NRG1: variants seen among roughly 807,000 people sequenced by gnomAD.
NRG1 encodes neuregulin 1.
A neutral mutation model predicts 63.8 loss-of-function variants in NRG1; 18 were observed. The ratio of observed to expected loss-of-function variants is 0.28; its 90% confidence interval spans 0.19 to 0.42. The LOEUF (loss-of-function observed/expected upper bound fraction) is 0.42. Among genes scored for constraint, NRG1 ranks in the 10% least tolerant of loss-of-function variants. The pLI, the probability that NRG1 is intolerant of heterozygous loss-of-function variation, is 1.00. For synonymous variants in NRG1, 302 were observed against 301.3 expected (o/e 1.00, Z -0.02); for missense variants, 762 against 814.7 (o/e 0.94, Z 0.79).
chr8:32,094,884 G>T (rs925752770), intron 1 of NRG1, among the ~76,000 whole-genome samples: 1 of 149,256 alleles, frequency 6.7e-6, no homozygotes, highest in Admixed American at 6.7e-5. Context: ...TTATAAACTT[G>T]CTTTCTGAAC....
At chr8:32,133,876 G>T (rs1184244833) in intron 1 of NRG1, among the ~76,000 whole-genome samples, 14 of 152,100 alleles carry the variant, frequency 9.2e-5, no homozygotes, top group Non-Finnish European at 1.5e-5. Context: ...TTCAAAAATG[G>T]GTTAAAGCAC....
intron 1 of NRG1, among the ~76,000 whole-genome samples, chr8:32,541,162 A>G (rs1164132102): frequency 2.6e-5 from 4 of 152,188 alleles, no homozygotes. Context: ...TGACTGTAAC[A>G]TTCCACCAAG....
At chr8:31,774,583 G>A (rs1242278414) in intron 1 of NRG1, among the ~76,000 whole-genome samples, 5 of 152,016 alleles carry the variant, frequency 3.3e-5, no homozygotes, top group South Asian at 4.1e-4. Context: ...TTGTAGATTC[G>A]GGATATTAAT....
chr8:32,582,946 G>A (rs570389011), intron 1 of NRG1, among the ~76,000 whole-genome samples: 43 of 152,178 alleles, frequency 2.8e-4, no homozygotes, highest in Admixed American at 2.6e-3. Context: ...GGCCTTCCTG[G>A]TGTCAGTCTG....
intron 1 of NRG1, among the ~76,000 whole-genome samples, chr8:31,880,771 C>T (rs1830289019): frequency 6.6e-6 from 1 of 152,144 alleles, no homozygotes; most frequent in Non-Finnish European, 1.5e-5. Context: ...ATTTCCTGTT[C>T]ATTGTTTTGC....
intron 1 of NRG1, among the ~76,000 whole-genome samples, chr8:31,985,215 A>G (rs1376623121): frequency 2.0e-5 from 3 of 152,078 alleles, no homozygotes; most frequent in Non-Finnish European, 4.4e-5. Flanking sequence ...AAAAGGAGAG[A>G]GAGGAGAGGT....
chr8:32,472,654 C>T (rs1255662095), intron 1 of NRG1, among the ~76,000 whole-genome samples: 1 of 152,212 alleles, frequency 6.6e-6, no homozygotes, highest in African/African-American at 2.4e-5. Flanking sequence ...AAGTCTTAAC[C>T]TTGCCTACAT....
intron 1 of NRG1, among the ~76,000 whole-genome samples, chr8:31,977,370 T>A (rs1808363536): frequency 6.6e-6 from 1 of 152,122 alleles, no homozygotes; most frequent in Non-Finnish European, 1.5e-5. Flanking sequence ...ACTTAGTGAC[T>A]CCTCTCATGT....
chr8:32,006,371 C>T (rs990917755), intron 1 of NRG1, among the ~76,000 whole-genome samples: 2 of 151,998 alleles, frequency 1.3e-5, no homozygotes, highest in Non-Finnish European at 2.9e-5. Context: ...AATACCCCAC[C>T]ACCCCCAATT....
intron 5 of NRG1, among the ~76,000 whole-genome samples, chr8:32,681,790 T>C (rs1167175701): frequency 1.3e-5 from 2 of 152,166 alleles, no homozygotes; most frequent in Admixed American, 6.5e-5. Context: ...TTTTAGTGTA[T>C]ATGACATGAA....
chr8:31,940,546 G>A (rs983764278), intron 1 of NRG1, among the ~76,000 whole-genome samples: 4 of 152,064 alleles, frequency 2.6e-5, no homozygotes, highest in Middle Eastern at 3.4e-3. Context: ...AAGAAATAAC[G>A]AGGATCAGAG....
At chr8:32,162,411 T>C (rs1838933293) in intron 1 of NRG1, among the ~76,000 whole-genome samples, 1 of 152,190 alleles carries the variant, frequency 6.6e-6, no homozygotes, top group Non-Finnish European at 1.5e-5. Context: ...GGCACAGTTA[T>C]AAATTTGCCT....
intron 1 of NRG1, among the ~76,000 whole-genome samples, chr8:32,568,520 G>A (rs935544187): frequency 5.9e-5 from 9 of 152,180 alleles, no homozygotes; most frequent in African/African-American, 2.2e-4. Context: ...TAGAACACCA[G>A]GAGACATTTA....
At chr8:31,889,759 C>T (rs1831003137) in intron 1 of NRG1, among the ~76,000 whole-genome samples, 1 of 152,116 alleles carries the variant, frequency 6.6e-6, no homozygotes, top group East Asian at 1.9e-4. Context: ...GCATTGCCTC[C>T]AAGTGTGTGG....
At chr8:32,004,870 T>G (rs1349764607) in intron 1 of NRG1, among the ~76,000 whole-genome samples, 2 of 151,710 alleles carry the variant, frequency 1.3e-5, no homozygotes, top group Non-Finnish European at 2.9e-5. Context: ...ATACTTGTCT[T>G]GGGGGCAATA....
chr8:32,570,151 C>T (rs541544448), intron 1 of NRG1, among the ~76,000 whole-genome samples: 11 of 152,198 alleles, frequency 7.2e-5, no homozygotes, highest in Admixed American at 2.6e-4. Context: ...TCAGGTGATC[C>T]GCCCACCTTG....
chr8:31,657,453 A>G (rs768514247), intron 1 of NRG1, among the ~76,000 whole-genome samples: 2 of 152,182 alleles, frequency 1.3e-5, no homozygotes, highest in Non-Finnish European at 2.9e-5. Context: ...AATGGTTTGT[A>G]AAATGGGTTG....
chr8:32,103,637 T>G (rs1470683657), intron 1 of NRG1, among the ~76,000 whole-genome samples: 1 of 152,202 alleles, frequency 6.6e-6, no homozygotes, highest in Admixed American at 6.5e-5. Flanking sequence ...TTGTACTCAT[T>G]TACATTCCTA....
intron 1 of NRG1, among the ~76,000 whole-genome samples, chr8:32,345,460 T>G (rs1804763548): frequency 6.6e-6 from 1 of 152,182 alleles, no homozygotes; most frequent in Non-Finnish European, 1.5e-5. Context: ...CCAGACTGCC[T>G]CTGCTGCTGT....
Sources: allele counts gnomAD v4.1 joint callset (sites outside exome capture counted in the v4.1 genomes callset), GRCh38; gene constraint gnomAD v4.1.1; transcripts MANE v1.5; gene names NCBI Gene and HGNC (gene_info 2026-07-23, HGNC 2026-07-21).